EXD1: variants seen among roughly 807,000 people sequenced by gnomAD.
The protein encoded by EXD1 is piRNA biogenesis protein EXD1.
EXD1 carries 63 observed loss-of-function variants against 49.1 expected under a neutral mutation model. That is an observed-to-expected ratio of 1.28 (90% CI 1.05 to 1.58). The LOEUF (loss-of-function observed/expected upper bound fraction) is 1.58. EXD1 is among the 40% of genes most tolerant of loss of function. The probability of loss-of-function intolerance (pLI) is 0.00; values close to 1 mark genes in which losing one functional copy is unlikely to be tolerated. For synonymous variants in EXD1, 234 were observed against 239.2 expected (o/e 0.98, Z 0.20); for missense variants, 748 against 666.0 (o/e 1.12, Z -1.36).
rs1205813329 is a variant in EXD1, at chr15:41,189,292, C to T, written c.1056+645G>A. ...CTGAGGCAGGAGAATTCCTTGAACC[C>T]AGGAGGCGGAGGCTACAGTGAGCTG... is the stretch of plus-strand genomic sequence containing the variant. On this transcript the variant is annotated intron_variant, in intron 11 of 11. Transcript: ENST00000458580. Among the ~76,000 whole-genome samples, 3 of 151,748 alleles carry T rather than the reference C, an allele frequency of 2.0e-5. No individual in the cohort carries two copies. In the East Asian group the frequency reaches 5.8e-4, roughly 30 times the overall value.
At chr15:41,209,990 C>T (rs1158251160) in intron 6 of EXD1, among the ~76,000 whole-genome samples, 1 of 152,142 alleles carries the variant, frequency 6.6e-6, no homozygotes, top group Non-Finnish European at 1.5e-5. Flanking sequence ...TTGCAACCTC[C>T]ACCTCTCAGT....
At chr15:41,187,845 G>A (rs573234350) in intron 11 of EXD1, among the ~76,000 whole-genome samples, 7 of 151,756 alleles carry the variant, frequency 4.6e-5, no homozygotes, top group South Asian at 4.2e-4. Context: ...GAGTAACCCC[G>A]TCTCTACTAA....
intron 11 of EXD1, among the ~76,000 whole-genome samples, chr15:41,185,824 G>A (rs891968876): frequency 2.6e-5 from 4 of 152,018 alleles, no homozygotes; most frequent in African/African-American, 9.7e-5. Flanking sequence ...CCCGGCATCC[G>A]ATTATATTTT....
At chr15:41,229,973 CCTTAT>C (rs963222378) in intron 1 of EXD1, among the ~76,000 whole-genome samples, 1 of 152,042 alleles carries the variant, frequency 6.6e-6, no homozygotes, top group Non-Finnish European at 1.5e-5. Flanking sequence ...TTCGGTTCTT[CCTTAT>C]CTTATACGTG....
At chr15:41,195,299 C>A (rs1173134489) in intron 9 of EXD1, among the ~76,000 whole-genome samples, 1 of 152,156 alleles carries the variant, frequency 6.6e-6, no homozygotes, top group Non-Finnish European at 1.5e-5. Context: ...AGAGGACAGA[C>A]AAATTATATC....
intron 6 of EXD1, among the ~76,000 whole-genome samples, chr15:41,215,111 C>G (rs1291021371): frequency 1.3e-5 from 2 of 152,174 alleles, no homozygotes; most frequent in Non-Finnish European, 2.9e-5. Context: ...CTAATGTCAC[C>G]TCCCTAGAGA....
In EXD1 at chr15:41,213,047, A is replaced by AT. The variant is rs560127823; in HGVS notation, c.447+2727dup. Among the ~76,000 whole-genome samples the AT allele has an allele frequency of 2.2e-3, 337 of 151,816 alleles. 1 individual carries two copies. Among genetic ancestry groups the AT allele is most frequent in the Non-Finnish European group, 3.8e-3 (260 of 67,966 alleles). On this transcript the variant is annotated intron_variant, in intron 6 of 11. Coordinates refer to ENST00000458580, the MANE Select transcript of EXD1 (RefSeq NM_001286441.2). The stretch of plus-strand genomic sequence containing the variant: ...CAGAGCAAGACCCCGTCTCAAAAAA[A>AT]TTTTTTTTAATTTATAAGGAATATT...
chr15:41,217,676 C>T (rs1336797728), intron 3 of EXD1, among the ~76,000 whole-genome samples: 1 of 151,972 alleles, frequency 6.6e-6, no homozygotes, highest in Non-Finnish European at 1.5e-5. Context: ...CCTGGGACTA[C>T]AGGCATGCGC....
At position 41,184,338 on chromosome 15, in the gene EXD1, G is replaced by C; in HGVS notation, c.1312C>G (p.Leu438Val). Reference protein sequence around the residue: ...SQDFHGDVNLLKEESLNKQAT... With the variant: ...SQDFHGDVNLVKEESLNKQAT... The stretch of plus-strand genomic sequence containing the variant: ...TGTTTATTCAAAGATTCTTCTTTCA[G>C]TAAATTCACATCCCCGTGAAAGTCT... Residue 438 changes from leucine (L) to valine (V), a missense_variant, in exon 12 of 12, where the codon CTG becomes GTG. Coordinates refer to ENST00000458580, the MANE Select transcript of EXD1 (RefSeq NM_001286441.2). The C allele has an allele frequency of 6.2e-7, 1 of 1,614,158 alleles. No individual in the cohort carries two copies. The highest frequency in any genetic ancestry group is 1.1e-5 in the South Asian group (1 of 91,084).
chr15:41,230,082 CTT>C (rs1156382525), intron 1 of EXD1, among the ~76,000 whole-genome samples: 14 of 122,208 alleles, frequency 1.1e-4, no homozygotes, highest in Admixed American at 8.6e-5. Context: ...TGGCTTTTAC[CTT>C]TTTTTTTTTT....
At chr15:41,204,275 G>T (rs1228175523) in intron 7 of EXD1, among the ~76,000 whole-genome samples, 1 of 147,826 alleles carries the variant, frequency 6.8e-6, no homozygotes, top group Non-Finnish European at 1.5e-5. Flanking sequence ...AATCAGCCAG[G>T]CACGGTGGCC....
intron 7 of EXD1, among the ~76,000 whole-genome samples, chr15:41,208,809 A>G (rs557290002): frequency 6.6e-6 from 1 of 152,212 alleles, no homozygotes; most frequent in East Asian, 1.9e-4. Context: ...TCCCAGGTCC[A>G]GGGAAACTAA....
intron 11 of EXD1, among the ~76,000 whole-genome samples, chr15:41,184,846 CAG>C (rs2046383829): frequency 6.6e-6 from 1 of 151,892 alleles, no homozygotes; most frequent in African/African-American, 2.4e-5. Context: ...TTAGTAGAGA[CAG>C]AGTTTCACTG....
At chr15:41,189,898 G>A in intron 11 of EXD1, 39 bp downstream of exon 11, 1 of 1,595,148 alleles carries the variant, frequency 6.3e-7, no homozygotes. Flanking sequence ...TCCTTGAGAA[G>A]GCAGAAAGGA....
chr15:41,187,399 G>A (rs1036462578), intron 11 of EXD1, among the ~76,000 whole-genome samples: 14 of 152,018 alleles, frequency 9.2e-5, no homozygotes, highest in South Asian at 4.1e-4. Flanking sequence ...TCATCCATAC[G>A]TTTCATATAA....
At chr15:41,205,857 T>C (rs1489208311) in intron 7 of EXD1, among the ~76,000 whole-genome samples, 1 of 150,978 alleles carries the variant, frequency 6.6e-6, no homozygotes, top group East Asian at 1.9e-4. Context: ...ACAGTCGTAA[T>C]AACATATAGA....
chr15:41,188,335 C>T (rs1198377330), intron 11 of EXD1, among the ~76,000 whole-genome samples: 1 of 149,670 alleles, frequency 6.7e-6, no homozygotes, highest in East Asian at 2.0e-4. Flanking sequence ...CCTCCTCTTC[C>T]CCCTCCCCTT....
intron 11 of EXD1, among the ~76,000 whole-genome samples, chr15:41,185,681 T>G (rs111661259): frequency 2.0e-5 from 3 of 152,066 alleles, no homozygotes; most frequent in African/African-American, 7.2e-5. Context: ...CCACCACGCC[T>G]GGCTAATATT....
Position 41,184,478 on chromosome 15 carries a change from G to A in EXD1, c.1172C>T (p.Thr391Ile). ...CACTAATTTCTTTGGCTGTAGCACTGTCCTTATCAGGAGTCCCTGTGCATT... is the reference window on the plus strand; with the variant it reads ...CACTAATTTCTTTGGCTGTAGCACTATCCTTATCAGGAGTCCCTGTGCATT... The part of the protein sequence containing the change: ...RVNAQGLLIR[T>I]VLQPKKLVTE... Residue 391 changes from threonine (T) to isoleucine (I), a missense_variant, in exon 12 of 12, where the codon ACA (threonine) becomes ATA (isoleucine). Transcript: ENST00000458580. 6.2e-7 allele frequency: 1 copy of A among 1,614,116 alleles called. No individual in the cohort carries two copies. Among genetic ancestry groups the A allele is most frequent in the Non-Finnish European group, 8.5e-7 (1 of 1,180,032 alleles).
Sources: allele counts gnomAD v4.1 joint callset (sites outside exome capture counted in the v4.1 genomes callset), GRCh38; gene constraint gnomAD v4.1.1; transcripts MANE v1.5; gene names NCBI Gene and HGNC (gene_info 2026-07-23, HGNC 2026-07-21).